The following SLC25A24 variants were observed in gnomAD, a reference collection of about 807,000 sequenced individuals.
The protein encoded by SLC25A24 is mitochondrial adenyl nucleotide antiporter SLC25A24.
A neutral mutation model predicts 60.7 loss-of-function variants in SLC25A24; 49 were observed. That is an observed-to-expected ratio of 0.81 (90% confidence interval 0.64 to 1.02). The LOEUF (loss-of-function observed/expected upper bound fraction) is 1.02, where lower values mean the gene tolerates loss of function less well. Ranked by LOEUF, SLC25A24 falls within the 50% of genes least tolerant of loss-of-function variation. The probability of loss-of-function intolerance (pLI) is 0.00; values close to 1 mark genes in which losing one functional copy is unlikely to be tolerated. For synonymous variants in SLC25A24, 202 were observed against 200.6 expected (o/e 1.01, Z -0.06); for missense variants, 564 against 586.3 (o/e 0.96, Z 0.39).
chr1:108,173,249 C>T (rs1015242463), intron 3 of SLC25A24, among the ~76,000 whole-genome samples: 2 of 152,094 alleles, frequency 1.3e-5, no homozygotes, highest in African/African-American at 4.8e-5. Context: ...CCATGTGTCA[C>T]GGGAGACAGC....
intron 7 of SLC25A24, among the ~76,000 whole-genome samples, chr1:108,144,242 G>A (rs916394418): frequency 3.9e-5 from 6 of 152,156 alleles, no homozygotes; most frequent in African/African-American, 1.2e-4. Flanking sequence ...TATTTATCTT[G>A]CTTAAGTCAT....
At chr1:108,182,686 A>G (rs564619465) in intron 2 of SLC25A24, among the ~76,000 whole-genome samples, 1 of 152,210 alleles carries the variant, frequency 6.6e-6, no homozygotes, top group African/African-American at 2.4e-5. Flanking sequence ...TAGAAAAATC[A>G]GCCAGGCATG....
At chr1:108,163,474 G>A (rs1023805609) in intron 3 of SLC25A24, among the ~76,000 whole-genome samples, 34 of 150,892 alleles carry the variant, frequency 2.3e-4, no homozygotes, top group African/African-American at 7.8e-4. Context: ...ATTTCATTAA[G>A]CAGTGGTTTG....
At chr1:108,186,402 T>C (rs79403641) in intron 1 of SLC25A24, among the ~76,000 whole-genome samples, 1,550 of 151,974 alleles carry the variant, frequency 0.01, 23 homozygotes, top group African/African-American at 0.035. Context: ...TAAAAAATTT[T>C]TAAAATTAGC....
chr1:108,152,459 C>T (rs915897693), intron 6 of SLC25A24, among the ~76,000 whole-genome samples: 2 of 152,108 alleles, frequency 1.3e-5, no homozygotes, highest in Non-Finnish European at 2.9e-5. Context: ...CTCTGCCTCT[C>T]GAGCTCAAGT....
In SLC25A24 at chr1:108,148,308, T is replaced by C. The variant is rs1387036106; in HGVS notation, c.901A>G (p.Thr301Ala). The C allele has an allele frequency of 6.2e-7, 1 of 1,611,798 alleles. No homozygotes were observed. The highest frequency in any genetic ancestry group is 1.3e-5 in the African/African-American group (1 of 74,872). The change falls in exon 7 of 10, where the codon ACT becomes GCT. Residue 301 changes from threonine to alanine, a missense_variant. Physicochemically the swap from Thr to Ala is moderately conservative, Grantham distance 58 (BLOSUM62 0). Transcript: ENST00000565488. ...ATTGGATATATAAAAGTCTGTGCAG[T>C]TGCTCCAGCCATGGAACCAGAAATA... Reference protein sequence around the residue: ...RFISGSMAGATAQTFIYPMEV... With the variant: ...RFISGSMAGAAAQTFIYPMEV...
chr1:108,149,541 GTTA>G (rs899717842), intron 6 of SLC25A24, among the ~76,000 whole-genome samples: 13 of 152,178 alleles, frequency 8.5e-5, no homozygotes, highest in South Asian at 4.1e-4. Context: ...TTCAGTAGAT[GTTA>G]TTATTATTAT....
intron 3 of SLC25A24, 44 bp downstream of exon 3, chr1:108,181,897 A>G (rs1346907333): frequency 1.5e-6 from 2 of 1,359,746 alleles, no homozygotes; most frequent in African/African-American, 1.4e-5. Flanking sequence ...CTAATGCAGA[A>G]TATTAAAGTG....
At chr1:108,147,138 C>A (rs751691514) in intron 7 of SLC25A24, among the ~76,000 whole-genome samples, 8 of 152,092 alleles carry the variant, frequency 5.3e-5, no homozygotes, top group Non-Finnish European at 1.2e-4. Flanking sequence ...CTGATTTAGT[C>A]TTGGGAGCGT....
intron 1 of SLC25A24, among the ~76,000 whole-genome samples, chr1:108,186,304 T>G (rs1254096270): frequency 6.6e-6 from 1 of 152,142 alleles, no homozygotes; most frequent in Non-Finnish European, 1.5e-5. Flanking sequence ...TTTAAAATAT[T>G]GCAGCACTTT....
chr1:108,161,051 G>T (rs1680064029), intron 4 of SLC25A24, 131 bp downstream of exon 4: 3 of 541,308 alleles, frequency 5.5e-6, no homozygotes, highest in South Asian at 2.8e-5. Context: ...AGAATAAATA[G>T]AACTCTACAG....
intron 3 of SLC25A24, among the ~76,000 whole-genome samples, chr1:108,167,334 C>T (rs1214815034): frequency 3.3e-5 from 5 of 151,720 alleles, no homozygotes; most frequent in South Asian, 2.1e-4. Flanking sequence ...TTGAGCTTCC[C>T]GGCTGCTTTG....
intron 4 of SLC25A24, among the ~76,000 whole-genome samples, chr1:108,158,872 G>A (rs1483411581): frequency 6.6e-6 from 1 of 152,006 alleles, no homozygotes; most frequent in South Asian, 2.1e-4. Flanking sequence ...GCGCAGTGGT[G>A]GGTGCCTGTA....
At chr1:108,154,917 T>G in intron 6 of SLC25A24, 66 bp downstream of exon 6, 1 of 1,237,512 alleles carries the variant, frequency 8.1e-7, no homozygotes, top group Middle Eastern at 1.9e-4. Flanking sequence ...CATTATACAT[T>G]AACATTTATT....
rs1056430018 is a variant in SLC25A24 at position 108,134,774 on chromosome 1, G to A, written c.*1879C>T. 4.6e-5 allele frequency: 7 copies of A among 151,334 alleles called. No individual in the cohort carries two copies. Among genetic ancestry groups the A allele is most frequent in the African/African-American group, 1.7e-4 (7 of 41,156 alleles). The allele number at this position is 151,334 out of a possible 1,614,324, so 9.4% of individuals were successfully genotyped here. ...ATTTTTTTTTTTCAATTAGGAAACT[G>A]AGACTTAAGAATTTTCTCTAAAAAA... On this transcript the variant is annotated 3_prime_UTR_variant, in exon 10 of 10. Transcript: ENST00000565488.
chr1:108,143,361 C>G (rs539219534), intron 8 of SLC25A24, among the ~76,000 whole-genome samples, 182 bp downstream of exon 8: 3 of 152,300 alleles, frequency 2.0e-5, no homozygotes, highest in Non-Finnish European at 4.4e-5. Flanking sequence ...CCAAGAAAAT[C>G]TAATACAAAA....
In SLC25A24 at chr1:108,136,852, A is replaced by T; in HGVS notation, c.1250-15T>A. On this transcript the variant is annotated splice_polypyrimidine_tract_variant and intron_variant, in intron 9 of 9. Coordinates refer to ENST00000565488, the MANE Select transcript of SLC25A24 (RefSeq NM_013386.5). The stretch of plus-strand genomic sequence containing the variant: ...TTCTAACATGGCTAAAAAATAAAAA[A>T]AGAGGGTAATTTAATATTCAAGTAT... 1 of 1,608,154 alleles carries T rather than the reference A, an allele frequency of 6.2e-7. No individual in the cohort carries two copies. Among genetic ancestry groups the T allele is most frequent in the Non-Finnish European group, 8.5e-7 (1 of 1,175,906 alleles).
At chr1:108,145,221 G>A (rs1006432340) in intron 7 of SLC25A24, among the ~76,000 whole-genome samples, 2 of 152,164 alleles carry the variant, frequency 1.3e-5, no homozygotes, top group African/African-American at 4.8e-5. Flanking sequence ...GTCTTCTTAT[G>A]AGAAGTGTCT....
At chr1:108,187,324 G>GAAGTTGA (rs1558026832) in intron 1 of SLC25A24, among the ~76,000 whole-genome samples, 1 of 152,016 alleles carries the variant, frequency 6.6e-6, no homozygotes, top group African/African-American at 2.4e-5. Context: ...AAGCAAAAAA[G>GAAGTTGA]AAGTTGAAGG....
Sources: gnomAD v4.1 joint callset for allele counts (sites outside exome capture counted in the v4.1 genomes callset) on GRCh38, gnomAD v4.1.1 for gene constraint, MANE v1.5 for transcripts, NCBI Gene and HGNC (gene_info 2026-07-23, HGNC 2026-07-21) for gene names.